The following DNAH5 variants were observed in gnomAD, a reference collection of about 807,000 sequenced individuals.
The protein encoded by DNAH5 is axonemal beta dynein heavy chain 5.
DNAH5 carries 372 observed loss-of-function variants against 518.2 expected under a neutral mutation model. That is an observed-to-expected ratio of 0.72 (90% CI 0.66 to 0.78). The LOEUF (loss-of-function observed/expected upper bound fraction) is 0.78, where lower values mean the gene tolerates loss of function less well. Ranked by LOEUF, DNAH5 falls within the 30% of genes least tolerant of loss-of-function variation. The probability of loss-of-function intolerance (pLI) is 0.00; values close to 1 mark genes in which losing one functional copy is unlikely to be tolerated. For missense variants in DNAH5, 5,523 were observed against 5,687.0 expected, an observed-to-expected ratio of 0.97 and a Z score of 0.93; for synonymous variants, 2,039 against 2,025.9, an observed-to-expected ratio of 1.01 and a Z score of -0.17.
At chr5:13,732,726 C>A (rs1746781748) in intron 68 of DNAH5, among the ~76,000 whole-genome samples, 2 of 152,120 alleles carry the variant, frequency 1.3e-5, no homozygotes, top group African/African-American at 4.8e-5. Flanking sequence ...ATGACCTAAT[C>A]ACCTCCCAAA....
rs1018136390 is a variant in DNAH5 at position 13,727,564 on chromosome 5, G to A, written c.11976C>T (p.Asp3992=). Residue 3992 remains aspartate, a synonymous_variant, in exon 70 of 79, where the codon GAC becomes GAT. Transcript: ENST00000265104. ...PLPNAYDKSL[D]CFRRLLLIRS... ...TAATAAGGAGAAGACGTCTGAAGCA[G>A]TCAAGAGATTTATCATAGGCATTTG... The A allele has an allele frequency of 6.2e-7, 1 of 1,613,936 alleles. No individual in the cohort carries two copies. Among genetic ancestry groups the A allele is most frequent in the Non-Finnish European group, 8.5e-7 (1 of 1,179,850 alleles).
At position 13,901,332 on chromosome 5, in the gene DNAH5, G is replaced by C; in HGVS notation, c.1972C>G (p.Pro658Ala). 1 of 1,614,140 alleles carries C rather than the reference G, an allele frequency of 6.2e-7. No individual in the cohort carries two copies. Among genetic ancestry groups the C allele is most frequent in the East Asian group, 2.2e-5 (1 of 44,870 alleles). Reference sequence around the variant, plus strand: ...ATCCTGTTGTAACTGCGAATTATAGGTTTGGCTTCTGCCGTGCTTAGCACA... The same window carrying C: ...ATCCTGTTGTAACTGCGAATTATAGCTTTGGCTTCTGCCGTGCTTAGCACA... Reference protein sequence around the residue: ...PAVLSTAEAKPIIRSYNRMAK... With the variant: ...PAVLSTAEAKAIIRSYNRMAK... The change falls in exon 14 of 79, where the codon CCT becomes GCT. Residue 658 changes from proline (P) to alanine (A), a missense_variant. Physicochemically the swap from Pro to Ala is conservative, Grantham distance 27. Around this residue, in one of 3 missense-constraint regions of DNAH5, gnomAD observed 5,121 missense variants for 5,223.3 expected, o/e 0.98. Transcript: ENST00000265104.
chr5:13,841,444 C>G (rs1236443110), intron 33 of DNAH5, among the ~76,000 whole-genome samples: 1 of 152,088 alleles, frequency 6.6e-6, no homozygotes, highest in Non-Finnish European at 1.5e-5. Flanking sequence ...AGGGAAAAAA[C>G]CGTTTTAAAT....
intron 1 of DNAH5, among the ~76,000 whole-genome samples, chr5:13,962,525 T>C (rs1011009957): frequency 3.3e-5 from 5 of 152,166 alleles, no homozygotes; most frequent in South Asian, 2.1e-4. Flanking sequence ...TCCTAAAAAT[T>C]GTAAGACATT....
chr5:13,822,750 C>A (rs1762389377), intron 40 of DNAH5, among the ~76,000 whole-genome samples: 1 of 152,156 alleles, frequency 6.6e-6, no homozygotes, highest in South Asian at 2.1e-4. Flanking sequence ...CATGGGAAGT[C>A]CAGAGACATC....
chr5:13,988,566 C>T (rs1032043440), intron 1 of DNAH5, among the ~76,000 whole-genome samples: 1 of 145,228 alleles, frequency 6.9e-6, no homozygotes, highest in African/African-American at 2.6e-5. Context: ...TACAGGTGTG[C>T]ACCACCATGC....
chr5:13,913,666 T>A, intron 11 of DNAH5, 77 bp downstream of exon 11: 1 of 1,537,128 alleles, frequency 6.5e-7, no homozygotes, highest in Non-Finnish European at 8.9e-7. Context: ...TGAATCATTC[T>A]AAACACTGTT....
intron 25 of DNAH5, among the ~76,000 whole-genome samples, chr5:13,867,471 T>C (rs1409058740): frequency 6.6e-6 from 1 of 152,114 alleles, no homozygotes; most frequent in Admixed American, 6.6e-5. Flanking sequence ...CCTTCCACCA[T>C]GATTGTAAGT....
chr5:13,768,810 T>C (rs948721539), intron 58 of DNAH5, 150 bp downstream of exon 58: 12 of 901,128 alleles, frequency 1.3e-5, no homozygotes, highest in Non-Finnish European at 2.1e-5. Context: ...GCTAATAAAG[T>C]CTCAAGCAGA....
At chr5:13,718,804 T>C in intron 72 of DNAH5, 78 bp downstream of exon 72, 1 of 1,218,164 alleles carries the variant, frequency 8.2e-7, no homozygotes, top group Non-Finnish European at 1.2e-6. Context: ...GTATCCTAGC[T>C]AATCCTTTTA....
At chr5:13,958,788 A>T (rs1780950171) in intron 1 of DNAH5, among the ~76,000 whole-genome samples, 1 of 152,172 alleles carries the variant, frequency 6.6e-6, no homozygotes, top group Admixed American at 6.5e-5. Flanking sequence ...AAACCTTAAA[A>T]TCTCCCCCAA....
chr5:13,779,385 T>G (rs995289388), intron 53 of DNAH5, among the ~76,000 whole-genome samples: 2 of 152,184 alleles, frequency 1.3e-5, no homozygotes, highest in African/African-American at 4.8e-5. Context: ...GCTTAAATAT[T>G]TGAATCTCCA....
At chr5:13,735,047 T>C in intron 68 of DNAH5, 84 bp downstream of exon 68, 1 of 1,318,392 alleles carries the variant, frequency 7.6e-7, no homozygotes, top group African/African-American at 1.5e-5. Context: ...GCAATTGTTA[T>C]AACCAAAAAA....
At chr5:13,697,548 C>A (rs1218284448) in intron 78 of DNAH5, among the ~76,000 whole-genome samples, 1 of 152,196 alleles carries the variant, frequency 6.6e-6, no homozygotes, top group Non-Finnish European at 1.5e-5. Flanking sequence ...CTCTAGCAAA[C>A]TTTTGTAAAG....
intron 1 of DNAH5, among the ~76,000 whole-genome samples, chr5:13,961,414 C>A (rs186962644): frequency 6.6e-6 from 1 of 151,720 alleles, no homozygotes; most frequent in South Asian, 2.1e-4. Flanking sequence ...GAGGCTGAGG[C>A]GGGCAGATCG....
chr5:13,730,396 A>G (rs1373578091), intron 68 of DNAH5, among the ~76,000 whole-genome samples: 1 of 152,078 alleles, frequency 6.6e-6, no homozygotes, highest in African/African-American at 2.4e-5. Context: ...AACATCCATT[A>G]AAGAATATCA....
rs771328747 is a variant in DNAH5 at position 13,810,095 on chromosome 5, C to T, written c.7573G>A (p.Gly2525Arg). 1.0e-5 allele frequency: 16 copies of T among 1,552,660 alleles called. No individual in the cohort carries two copies. The highest frequency in any genetic ancestry group is 1.2e-5 in the South Asian group (1 of 84,192). The change falls in exon 45 of 79, where the codon GGG becomes AGG. Residue 2525 changes from glycine (G) to arginine (R), a missense_variant. Coordinates refer to ENST00000265104, the MANE Select transcript of DNAH5 (RefSeq NM_001369.3). Reference protein sequence around the residue: ...TLELPPPAGPGDTAFDYYVAP... With the variant: ...TLELPPPAGPRDTAFDYYVAP... ...ACATAGTAGTCGAAGGCGGTGTCCC[C>T]GGGCCCCGCTGGCGGCGGCAGCTCC...
intron 1 of DNAH5, among the ~76,000 whole-genome samples, chr5:14,008,181 AAAAAAG>A (rs1177718573): frequency 2.0e-5 from 3 of 151,352 alleles, no homozygotes; most frequent in African/African-American, 7.3e-5. Context: ...TAGAAAAAAA[AAAAAAG>A]AAAGAAAGAA....
At chr5:14,010,438 C>G (rs1785033676) in intron 1 of DNAH5, among the ~76,000 whole-genome samples, 1 of 151,940 alleles carries the variant, frequency 6.6e-6, no homozygotes, top group South Asian at 2.1e-4. Flanking sequence ...AAGGGGAAAA[C>G]TTGGTAAATT....
Sources: gnomAD v4.1 joint callset for allele counts (sites outside exome capture counted in the v4.1 genomes callset) on GRCh38, gnomAD v4.1.1 for gene constraint, gnomAD v4.1.1 regional missense constraint, MANE v1.5 for transcripts, NCBI Gene and HGNC (gene_info 2026-07-23, HGNC 2026-07-21) for gene names.